Variants in CSMD1 observed in about 807,000 individuals in gnomAD.
CSMD1 encodes the protein CUB and sushi domain-containing protein 1.
CSMD1 carries 213 observed loss-of-function variants against 417.5 expected under a neutral mutation model. That is an observed-to-expected ratio of 0.51 (90% confidence interval 0.46 to 0.57). The LOEUF (loss-of-function observed/expected upper bound fraction) is 0.57. CSMD1 is among the 20% of genes least tolerant of loss of function. The pLI is 0.00. For missense variants in CSMD1, 6,923 were observed against 4,529.7 expected, an observed-to-expected ratio of 1.53 and a Z score of -15.17; for synonymous variants, 2,862 against 1,736.8, an observed-to-expected ratio of 1.65 and a Z score of -16.11.
At chr8:4,002,173 G>A (rs934877599) in intron 4 of CSMD1, among the ~76,000 whole-genome samples, 7 of 152,044 alleles carry the variant, frequency 4.6e-5, no homozygotes, top group African/African-American at 1.7e-4. Context: ...CTTTAGCACA[G>A]AATGAGGCAA....
At chr8:4,180,859 C>T (rs1647303) in intron 3 of CSMD1, among the ~76,000 whole-genome samples, 149,601 of 152,246 alleles carry the variant, frequency 0.98, 73,551 homozygotes, top group Middle Eastern at 1. Context: ...TAAAAGCTCA[C>T]GATACTAAAT....
chr8:4,635,373 G>C (rs1019974456), intron 2 of CSMD1, among the ~76,000 whole-genome samples: 1 of 151,926 alleles, frequency 6.6e-6, no homozygotes. Flanking sequence ...TAAGAATGTT[G>C]TTTTATATTT....
intron 3 of CSMD1, among the ~76,000 whole-genome samples, chr8:4,285,304 T>C (rs1290377914): frequency 6.6e-6 from 1 of 152,198 alleles, no homozygotes; most frequent in East Asian, 1.9e-4. Flanking sequence ...AATTACTCTC[T>C]GAAGCCATGT....
At position 4,579,815 on chromosome 8, in the gene CSMD1, T is replaced by A. The variant is rs990759582; in HGVS notation, c.302+57527A>T. ...TATTGGCTTACTTGTGTTCCATGTT[T>A]CTGTTAAATTCTAGGATTCAATTCT... On this transcript the variant is annotated intron_variant, in intron 2 of 69. Transcript: ENST00000635120. 2.6e-5 allele frequency among the ~76,000 whole-genome samples: 4 copies of A among 152,304 alleles called. No homozygotes were observed. The East Asian group carries it at 7.7e-4, about 29-fold the overall frequency.
At chr8:4,820,764 T>C (rs1454860028) in intron 1 of CSMD1, among the ~76,000 whole-genome samples, 1 of 152,206 alleles carries the variant, frequency 6.6e-6, no homozygotes, top group African/African-American at 2.4e-5. Context: ...CATTTATTCC[T>C]GTTTTTCCCA....
At chr8:3,293,892 A>T (rs10090410) in intron 25 of CSMD1, among the ~76,000 whole-genome samples, 75,017 of 151,922 alleles carry the variant, frequency 0.49, 20,857 homozygotes, top group South Asian at 0.63. Flanking sequence ...CCTTTGGAGG[A>T]GGAGAGGTGT....
chr8:3,721,935 C>T (rs1055607013), intron 6 of CSMD1, among the ~76,000 whole-genome samples: 1 of 152,160 alleles, frequency 6.6e-6, no homozygotes, highest in Non-Finnish European at 1.5e-5. Flanking sequence ...CTACATGCCA[C>T]AGGTGCACCC....
At chr8:4,185,400 C>T (rs1002056712) in intron 3 of CSMD1, among the ~76,000 whole-genome samples, 7 of 151,966 alleles carry the variant, frequency 4.6e-5, no homozygotes, top group African/African-American at 1.5e-4. Flanking sequence ...CAGAATAGTA[C>T]CCCTAAGCAA....
intron 1 of CSMD1, among the ~76,000 whole-genome samples, chr8:4,676,379 G>C (rs958207582): frequency 6.6e-6 from 1 of 152,148 alleles, no homozygotes; most frequent in Non-Finnish European, 1.5e-5. Context: ...TATTAGCTAT[G>C]TCCTTGACTT....
intron 5 of CSMD1, among the ~76,000 whole-genome samples, chr8:3,932,922 GTAAC>G (rs1172263924): frequency 2.0e-5 from 3 of 149,358 alleles, no homozygotes; most frequent in Non-Finnish European, 4.5e-5. Context: ...ATTTAGTAAA[GTAAC>G]TAAATCTTTT....
chr8:4,096,579 C>G (rs1801023251), intron 3 of CSMD1, among the ~76,000 whole-genome samples: 2 of 152,024 alleles, frequency 1.3e-5, no homozygotes, highest in African/African-American at 4.8e-5. Context: ...ACTAAGGATA[C>G]CTTTTCTTAA....
chr8:3,675,239 T>C (rs1376454784), intron 7 of CSMD1, among the ~76,000 whole-genome samples: 1 of 152,244 alleles, frequency 6.6e-6, no homozygotes, highest in African/African-American at 2.4e-5. Context: ...CACCTGTTGG[T>C]CTTCATTGAC....
chr8:4,635,893 G>A (rs532026370), intron 2 of CSMD1, among the ~76,000 whole-genome samples: 28 of 152,064 alleles, frequency 1.8e-4, no homozygotes, highest in African/African-American at 6.3e-4. Flanking sequence ...ATTCTACTAT[G>A]TATGAAAGGT....
chr8:3,807,420 T>A (rs1215328320), intron 5 of CSMD1, among the ~76,000 whole-genome samples: 1 of 130,662 alleles, frequency 7.7e-6, no homozygotes, highest in Non-Finnish European at 1.8e-5. Flanking sequence ...GAGGATGTTT[T>A]CTCTGATTTT....
Position 4,587,609 on chromosome 8 carries a change from A to C in CSMD1, c.302+49733T>G, listed in dbSNP as rs538239318. On this transcript the variant is annotated intron_variant, in intron 2 of 69. Transcript: ENST00000635120. ...AAAAGAAGAAATAAGCTTTACTTAC[A>C]AATAATTGTACTCAGACTCATGATC... Among the ~76,000 whole-genome samples, 119 of 152,284 alleles carry C rather than the reference A, an allele frequency of 7.8e-4. 2 individuals carry two copies. Among genetic ancestry groups the C allele is most frequent in the Admixed American group, 7.0e-3 (107 of 15,286 alleles).
chr8:4,177,455 C>T (rs181220810), intron 3 of CSMD1, among the ~76,000 whole-genome samples: 3 of 151,964 alleles, frequency 2.0e-5, no homozygotes, highest in African/African-American at 7.3e-5. Flanking sequence ...ACTTATAGCA[C>T]TAAATGTCCA....
intron 10 of CSMD1, among the ~76,000 whole-genome samples, chr8:3,572,620 A>T (rs1289886238): frequency 6.6e-6 from 1 of 152,210 alleles, no homozygotes; most frequent in Admixed American, 6.5e-5. Context: ...TTTTCTTTAA[A>T]AGAAATTCAA....
intron 3 of CSMD1, among the ~76,000 whole-genome samples, chr8:4,282,950 A>G (rs767446082): frequency 2.6e-5 from 4 of 152,046 alleles, no homozygotes; most frequent in Non-Finnish European, 5.9e-5. Flanking sequence ...CTGACCCTAC[A>G]CTTTTCAGTC....
rs1008137847 is a variant in CSMD1 at position 3,421,711 on chromosome 8, C to A, written c.1562-12106G>T. Among the ~76,000 whole-genome samples, 3 of 152,118 alleles carry A rather than the reference C, an allele frequency of 2.0e-5. 1 individual carries two copies. Among genetic ancestry groups the A allele is most frequent in the Admixed American group, 2.0e-4 (3 of 15,270 alleles). On this transcript the variant is annotated intron_variant, in intron 12 of 69. Coordinates refer to ENST00000635120, the MANE Select transcript of CSMD1 (RefSeq NM_033225.6). ...GCAGTGCACTGCTGTAATCTTGGCTCGCTACAACCTCCACCTCCCAGGTTC... is the reference window on the plus strand; with the variant it reads ...GCAGTGCACTGCTGTAATCTTGGCTAGCTACAACCTCCACCTCCCAGGTTC...
Sources: gnomAD v4.1 joint callset for allele counts (sites outside exome capture counted in the v4.1 genomes callset) on GRCh38, gnomAD v4.1.1 for gene constraint, MANE v1.5 for transcripts, NCBI Gene and HGNC (gene_info 2026-07-23, HGNC 2026-07-21) for gene names.